The following CSTPP1 variants were observed in gnomAD, a reference collection of about 807,000 sequenced individuals.
CSTPP1 encodes the protein UPF0705 protein C11orf49.
At chr11:47,061,730 A>G in the CSTPP1 span, among the ~76,000 whole-genome samples, 1 of 152,170 alleles carries the variant, frequency 6.6e-6, no homozygotes, top group African/African-American at 2.4e-5. Flanking sequence ...ACAATCAACA[A>G]GAATTTCAGT....
the CSTPP1 span, among the ~76,000 whole-genome samples, chr11:46,976,014 C>T: frequency 1.3e-5 from 2 of 151,950 alleles, no homozygotes; most frequent in East Asian, 1.9e-4. Flanking sequence ...CTTAATGGGT[C>T]ATCATTGTGT....
chr11:47,164,066 G>A, the CSTPP1 span: 1 of 1,587,448 alleles, frequency 6.3e-7, no homozygotes, highest in South Asian at 1.1e-5. Flanking sequence ...GCCAACTAAT[G>A]CCAGCTCTTT....
the CSTPP1 span, among the ~76,000 whole-genome samples, chr11:47,018,672 A>G: frequency 2.0e-5 from 3 of 152,158 alleles, no homozygotes; most frequent in African/African-American, 4.8e-5. Flanking sequence ...CAATATATGA[A>G]TGATTGGGTT....
the CSTPP1 span, among the ~76,000 whole-genome samples, chr11:47,003,838 A>C: frequency 1.3e-5 from 2 of 152,240 alleles, no homozygotes; most frequent in African/African-American, 4.8e-5. Flanking sequence ...CTTTGTCATT[A>C]AATAATATCA....
chr11:46,939,613 G>C, the CSTPP1 span, among the ~76,000 whole-genome samples: 1 of 149,712 alleles, frequency 6.7e-6, no homozygotes, highest in African/African-American at 2.5e-5. Flanking sequence ...GATAGAGTGA[G>C]ACCCTGCCTC....
the CSTPP1 span, among the ~76,000 whole-genome samples, chr11:47,151,908 T>A: frequency 6.6e-6 from 1 of 151,944 alleles, no homozygotes; most frequent in African/African-American, 2.4e-5. Context: ...AGAATGGAAA[T>A]AACAATAAGA....
chr11:47,056,856 C>A, the CSTPP1 span, among the ~76,000 whole-genome samples: 1 of 152,186 alleles, frequency 6.6e-6, no homozygotes, highest in East Asian at 1.9e-4. Flanking sequence ...CTCAGTGGAA[C>A]TCCTACTGCA....
At chr11:47,159,478 C>A in the CSTPP1 span, among the ~76,000 whole-genome samples, 1 of 151,578 alleles carries the variant, frequency 6.6e-6, no homozygotes, top group African/African-American at 2.4e-5. Flanking sequence ...CCATTGCACG[C>A]CAGCCTGTGC....
chr11:46,943,927 G>A, the CSTPP1 span, among the ~76,000 whole-genome samples: 15 of 152,272 alleles, frequency 9.9e-5, no homozygotes, highest in Non-Finnish European at 2.2e-4. Context: ...AGGCGGAGGT[G>A]GGAGGATGGC....
At chr11:47,134,578 A>T in the CSTPP1 span, among the ~76,000 whole-genome samples, 1 of 152,168 alleles carries the variant, frequency 6.6e-6, no homozygotes, top group East Asian at 1.9e-4. Flanking sequence ...GGCTGTGAGA[A>T]GGGCCTTTGA....
At chr11:47,040,690 A>C in the CSTPP1 span, among the ~76,000 whole-genome samples, 3 of 125,980 alleles carry the variant, frequency 2.4e-5, 1 homozygote, top group Non-Finnish European at 5.7e-5. Context: ...ACCCAAAACA[A>C]AGGGCCTCGA....
At chr11:47,051,653 GTA>G in the CSTPP1 span, among the ~76,000 whole-genome samples, 1 of 151,102 alleles carries the variant, frequency 6.6e-6, no homozygotes, top group African/African-American at 2.4e-5. Flanking sequence ...ATGGCAGCTG[GTA>G]TAGGCCAGGG....
the CSTPP1 span, among the ~76,000 whole-genome samples, chr11:46,937,352 T>C: frequency 0.083 from 1 of 12 alleles, no homozygotes; most frequent in Admixed American, 0.5. Flanking sequence ...GTAACTTGCG[T>C]TAAGTTAGGC....
At chr11:47,069,625 C>A in the CSTPP1 span, among the ~76,000 whole-genome samples, 2 of 152,086 alleles carry the variant, frequency 1.3e-5, no homozygotes, top group East Asian at 3.8e-4. Context: ...ATATTTCATG[C>A]TTTGAAGGAC....
the CSTPP1 span, among the ~76,000 whole-genome samples, chr11:46,965,317 C>T: frequency 5.5e-4 from 83 of 150,744 alleles, 1 homozygote; most frequent in Admixed American, 3.0e-3. Context: ...CTCCTCCTCC[C>T]GGGTTCAAGC....
the CSTPP1 span, among the ~76,000 whole-genome samples, chr11:47,141,198 TA>T: frequency 6.6e-6 from 1 of 152,212 alleles, no homozygotes; most frequent in South Asian, 2.1e-4. Flanking sequence ...CAGTCCATTG[TA>T]GAATGTTTTC....
the CSTPP1 span, among the ~76,000 whole-genome samples, chr11:47,124,101 C>A: frequency 9.3e-6 from 1 of 107,444 alleles, no homozygotes; most frequent in Admixed American, 1.0e-4. Flanking sequence ...TCAAATAGTT[C>A]TTAATGGTCT....
chr11:47,006,076 T>G, the CSTPP1 span, among the ~76,000 whole-genome samples: 1 of 152,180 alleles, frequency 6.6e-6, no homozygotes, highest in East Asian at 1.9e-4. Context: ...ACATAAAGTT[T>G]AAAAAAATCT....
At chr11:47,101,198 T>TTTTTTTTTTTTTTG in the CSTPP1 span, among the ~76,000 whole-genome samples, 2 of 138,520 alleles carry the variant, frequency 1.4e-5, no homozygotes, top group African/African-American at 2.7e-5. Context: ...TTATTTTATT[T>TTTTTTTTTTTTTTG]TTAGTAGAGA....
Sources: allele counts gnomAD v4.1 joint callset (sites outside exome capture counted in the v4.1 genomes callset), GRCh38; gene constraint gnomAD v4.1.1; transcripts MANE v1.5; gene names NCBI Gene and HGNC (gene_info 2026-07-23, HGNC 2026-07-21).